The following SERPINI2 variants were observed in gnomAD, a reference collection of about 807,000 sequenced individuals.
SERPINI2 encodes serpin family I member 2, also known as serpin I2.
In SERPINI2, 48 loss-of-function variants were observed where a neutral mutation model predicts 47.3. The ratio of observed to expected loss-of-function variants is 1.02; its 90% CI spans 0.81 to 1.29. The LOEUF is 1.29. SERPINI2 is among the 50% of genes most tolerant of loss of function. The pLI is 0.00. For missense variants in SERPINI2, 448 were observed against 456.9 expected, an observed-to-expected ratio of 0.98 and a Z score of 0.18; for synonymous variants, 135 against 149.3, an observed-to-expected ratio of 0.90 and a Z score of 0.70.
intron 6 of SERPINI2, among the ~76,000 whole-genome samples, chr3:167,450,312 T>C (rs1044497690): frequency 6.6e-6 from 1 of 152,132 alleles, no homozygotes; most frequent in African/African-American, 2.4e-5. Context: ...GAGCTGAGAG[T>C]GAATGCTCCT....
chr3:167,474,322 C>T (rs544191853), upstream of SERPINI2, among the ~76,000 whole-genome samples: 5 of 151,748 alleles, frequency 3.3e-5, no homozygotes, highest in African/African-American at 9.6e-5. Flanking sequence ...TGAAAGGATG[C>T]GCTACTGGTT....
intron 8 of SERPINI2, among the ~76,000 whole-genome samples, chr3:167,442,998 C>T (rs982045539): frequency 3.3e-5 from 5 of 152,222 alleles, no homozygotes; most frequent in East Asian, 3.9e-4. Context: ...AATAGTGGGA[C>T]GGCCCTTTTT....
At chr3:167,459,741 T>G (rs545709304) in intron 5 of SERPINI2, among the ~76,000 whole-genome samples, 1 of 151,436 alleles carries the variant, frequency 6.6e-6, no homozygotes, top group African/African-American at 2.4e-5. Context: ...TACAACAATA[T>G]AGAATTTATT....
At chr3:167,453,882 G>T (rs1749712890) in intron 5 of SERPINI2, among the ~76,000 whole-genome samples, 1 of 151,518 alleles carries the variant, frequency 6.6e-6, no homozygotes, top group Admixed American at 6.6e-5. Context: ...TAAAAGTGGG[G>T]GTGGGGGGAA....
chr3:167,455,593 C>CAAAAAAAAA (rs11407272), intron 5 of SERPINI2, among the ~76,000 whole-genome samples: 1 of 123,242 alleles, frequency 8.1e-6, no homozygotes, highest in Non-Finnish European at 1.7e-5. Flanking sequence ...ATACGAGTCT[C>CAAAAAAAAA]AAAAAAAAAA....
At chr3:167,453,449 A>C (rs1437722754) in intron 5 of SERPINI2, among the ~76,000 whole-genome samples, 1 of 152,218 alleles carries the variant, frequency 6.6e-6, no homozygotes, top group Non-Finnish European at 1.5e-5. Context: ...AGGGAACAGG[A>C]GTCCACAGTC....
At chr3:167,454,121 A>G (rs924402175) in intron 5 of SERPINI2, among the ~76,000 whole-genome samples, 5 of 152,188 alleles carry the variant, frequency 3.3e-5, no homozygotes, top group Non-Finnish European at 7.4e-5. Context: ...GCTAGTGCTC[A>G]AGGATCCTTG....
chr3:167,447,068 C>A (rs575784616), intron 7 of SERPINI2: 3 of 152,136 alleles, frequency 2.0e-5, no homozygotes, highest in African/African-American at 7.2e-5. Flanking sequence ...TGCTCCATTA[C>A]AGTATTTGTC....
intron 8 of SERPINI2, among the ~76,000 whole-genome samples, chr3:167,444,960 TTTTC>T (rs1749432423): frequency 2.0e-5 from 3 of 152,184 alleles, no homozygotes; most frequent in African/African-American, 7.2e-5. Context: ...ATGTAGCTTT[TTTTC>T]TTTCTGTCTC....
rs187631004 is a variant in SERPINI2, at chr3:167,453,710, C to T, written c.867-677G>A. ...GTAGCCACTGCTTCCAACACTGAGC[C>T]GTAAGTTAGGAGACTAGTGTCTGGC... On this transcript the variant is annotated intron_variant, in intron 5 of 8. Transcript: ENST00000264677. Among the ~76,000 whole-genome samples, 41 of 151,190 alleles carry T rather than the reference C, an allele frequency of 2.7e-4. 1 individual carries two copies. In the South Asian group the frequency reaches 8.6e-3, roughly 32 times the overall value.
In SERPINI2 at chr3:167,472,807, A is replaced by G. The variant is rs147425296; in HGVS notation, c.-10-963T>C. Among the ~76,000 whole-genome samples, 350 of 151,936 alleles carry G rather than the reference A, an allele frequency of 2.3e-3. 1 individual carries two copies. Among genetic ancestry groups the G allele is most frequent in the African/African-American group, 8.1e-3 (337 of 41,542 alleles). On this transcript the variant is annotated intron_variant, in intron 1 of 8. Transcript: ENST00000264677. ...TATCTCAAGCAGAATTAGTTTTGCAATATTACCACATATTTGGTAGAATGT... is the reference window on the plus strand; with the variant it reads ...TATCTCAAGCAGAATTAGTTTTGCAGTATTACCACATATTTGGTAGAATGT...
At chr3:167,456,378 CT>C (rs138170538) in intron 5 of SERPINI2, among the ~76,000 whole-genome samples, 2,362 of 152,230 alleles carry the variant, frequency 0.016, 59 homozygotes, top group African/African-American at 0.054. Context: ...CATATCCAGT[CT>C]CATTTTCCTT....
intron 5 of SERPINI2, among the ~76,000 whole-genome samples, chr3:167,454,297 G>A (rs1749727649): frequency 6.6e-6 from 1 of 152,144 alleles, no homozygotes; most frequent in African/African-American, 2.4e-5. Context: ...ATTATTTCTT[G>A]GTAAAACAAT....
chr3:167,450,417 G>A (rs1560230718), intron 6 of SERPINI2, among the ~76,000 whole-genome samples: 3 of 152,130 alleles, frequency 2.0e-5, no homozygotes, highest in East Asian at 1.9e-4. Context: ...AGTGAAACCC[G>A]GAGCCCAGAA....
exon 9 of SERPINI2, chr3:167,442,063 G>A (rs1749343726): frequency 6.9e-7 from 1 of 1,439,546 alleles, no homozygotes; most frequent in Non-Finnish European, 9.5e-7. Context: ...TTGCCAATCA[G>A]CTATTTTTGA....
rs184123317 is a variant in SERPINI2 at position 167,469,998 on chromosome 3, G to C, written c.247+1590C>G. 3.9e-5 allele frequency among the ~76,000 whole-genome samples: 6 copies of C among 152,202 alleles called. No homozygotes were observed. In the East Asian group the frequency reaches 9.6e-4, roughly 24 times the overall value. ...TGATATCCTTTCTATATTTTTGATAGTGCGTTATTACTATTACTTTATCAT... is the reference window on the plus strand; with the variant it reads ...TGATATCCTTTCTATATTTTTGATACTGCGTTATTACTATTACTTTATCAT... On this transcript the variant is annotated intron_variant, in intron 2 of 8. Transcript: ENST00000264677.
chr3:167,460,271 A>T (rs1471985909), intron 5 of SERPINI2, among the ~76,000 whole-genome samples: 1 of 152,244 alleles, frequency 6.6e-6, no homozygotes, highest in Non-Finnish European at 1.5e-5. Flanking sequence ...GCATTCAGTA[A>T]TAAAATATAA....
intron 6 of SERPINI2, among the ~76,000 whole-genome samples, chr3:167,451,801 A>G (rs1295664133): frequency 6.6e-6 from 1 of 152,216 alleles, no homozygotes; most frequent in Non-Finnish European, 1.5e-5. Context: ...AAGAAGTTTA[A>G]GAAAAGGAAG....
At chr3:167,470,470 T>C (rs1351228651) in intron 2 of SERPINI2, among the ~76,000 whole-genome samples, 1 of 150,342 alleles carries the variant, frequency 6.7e-6, no homozygotes, top group Non-Finnish European at 1.5e-5. Flanking sequence ...GAACACAGTA[T>C]CTCAGAGTAA....
Sources: gnomAD v4.1 joint callset for allele counts (sites outside exome capture counted in the v4.1 genomes callset) on GRCh38, gnomAD v4.1.1 for gene constraint, MANE v1.5 for transcripts, NCBI Gene and HGNC (gene_info 2026-07-23, HGNC 2026-07-21) for gene names.